Variants in TUT1 observed in about 807,000 individuals in gnomAD.
TUT1 encodes the protein speckle targeted PIP5K1A-regulated poly(A) polymerase.
Under a neutral mutation model 48.8 loss-of-function variants are expected in TUT1, and 26 were observed. The observed-to-expected ratio is 0.53, with a 90% confidence interval of 0.39 to 0.74. TUT1 has a LOEUF of 0.74. Ranked by LOEUF, TUT1 falls within the 30% of genes least tolerant of loss-of-function variation. TUT1 has a pLI of 0.00. For synonymous variants in TUT1, 470 were observed against 460.8 expected (o/e 1.02, Z -0.26); for missense variants, 1,065 against 1,114.8 (o/e 0.96, Z 0.64).
In TUT1 at chr11:62,577,181, C is replaced by T; in HGVS notation, c.1270+1G>A. 3 of 1,608,464 alleles carry T rather than the reference C, an allele frequency of 1.9e-6. No homozygotes were observed. The highest frequency in any genetic ancestry group is 1.3e-5 in the African/African-American group (1 of 74,592). On this transcript the variant is annotated splice_donor_variant, in intron 6 of 8. Transcript: ENST00000476907. LOFTEE classifies it high-confidence loss of function. ...CCAAGTCTGTCCTGATCCATTCTCA[C>T]CTGACAGCCCCCGACCCTGAGCCCA...
intron 1 of TUT1, 114 bp from the exon 2 acceptor site, chr11:62,589,335 T>C: frequency 3.1e-6 from 3 of 956,202 alleles, no homozygotes; most frequent in Non-Finnish European, 4.6e-6. Context: ...ACTGTGACCT[T>C]TGAATAAACA....
intron 2 of TUT1, among the ~76,000 whole-genome samples, chr11:62,586,251 T>G (rs149225475): frequency 2.6e-5 from 4 of 152,262 alleles, no homozygotes; most frequent in African/African-American, 4.8e-5. Flanking sequence ...AAACGATGTC[T>G]GAGGCTCATA....
intron 4 of TUT1, among the ~76,000 whole-genome samples, chr11:62,580,477 A>G (rs566503189): frequency 2.0e-5 from 3 of 151,922 alleles, no homozygotes; most frequent in Admixed American, 6.6e-5. Flanking sequence ...AAAAATACAC[A>G]TAAGCAAAAC....
At chr11:62,584,440 CTTTTTTT>C (rs35237248) in intron 2 of TUT1, among the ~76,000 whole-genome samples, 1 of 130,098 alleles carries the variant, frequency 7.7e-6, no homozygotes, top group African/African-American at 2.8e-5. Context: ...AAATTGTATA[CTTTTTTT>C]TTTTTTTTTT....
chr11:62,587,162 G>C (rs935111376), intron 2 of TUT1, among the ~76,000 whole-genome samples: 14 of 151,628 alleles, frequency 9.2e-5, no homozygotes, highest in Non-Finnish European at 1.6e-4. Flanking sequence ...AAATAGAGGA[G>C]GGGACTCAAA....
At chr11:62,576,356 A>T in intron 8 of TUT1, 112 bp from the exon 9 acceptor site, 2 of 1,316,234 alleles carry the variant, frequency 1.5e-6, no homozygotes, top group Non-Finnish European at 2.0e-6. Context: ...CAAGGGGCTC[A>T]GCAGAGTCCC....
chr11:62,578,559 A>C lies in TUT1; in HGVS notation c.1160+2T>G, dbSNP rs1306978593. 3 of 1,586,052 alleles carry C rather than the reference A, an allele frequency of 1.9e-6. No homozygotes were observed. The highest frequency in any genetic ancestry group is 1.4e-5 in the African/African-American group (1 of 73,870). On this transcript the variant is annotated splice_donor_variant, in intron 5 of 8. Transcript: ENST00000476907. LOFTEE classifies it high-confidence loss of function. Reference sequence around the variant, plus strand: ...ATGTCGTCTCAAAAAAAAGAAAGGTACCGGTTACTGAGGGAGACATCACCG... The same window carrying C: ...ATGTCGTCTCAAAAAAAAGAAAGGTCCCGGTTACTGAGGGAGACATCACCG...
Position 62,575,923 on chromosome 11 carries a change from G to C in TUT1, c.1796C>G (p.Ser599Cys). 6.2e-7 allele frequency: 1 copy of C among 1,614,172 alleles called. No individual in the cohort carries two copies. Among genetic ancestry groups the C allele is most frequent in the Non-Finnish European group, 8.5e-7 (1 of 1,180,020 alleles). ...CGTAGCAGAGAGCAGGGAGCTGGGG[G>C]AGCTGGGCTGCAGAAGAGGGAGCAG... ...WGLLPLLQPS[S>C]PSSLLSATPI... Residue 599 changes from serine to cysteine, a missense_variant, in exon 9 of 9, where the codon TCC (serine) becomes TGC (cysteine). Physicochemically the swap from Ser to Cys is moderately radical, Grantham distance 112. Coordinates refer to ENST00000476907, the MANE Select transcript of TUT1 (RefSeq NM_022830.3).
intron 8 of TUT1, 128 bp downstream of exon 8, chr11:62,576,529 C>G (rs548256646): frequency 1.1e-6 from 1 of 880,826 alleles, no homozygotes; most frequent in South Asian, 1.7e-5. Flanking sequence ...TGTAAAATGG[C>G]AGTAATAATA....
rs1296326428 is a variant in TUT1 at position 62,581,648 on chromosome 11, C to A, written c.327G>T (p.Leu109Phe). Residue 109 changes from leucine (L) to phenylalanine (F), a missense_variant, in exon 3 of 9, where the codon TTG becomes TTT. Coordinates refer to ENST00000476907, the MANE Select transcript of TUT1 (RefSeq NM_022830.3). ...MGDVGAREAV[L>F]SQSQHSLGGH... ...CTCCCAGGCTGTGCTGGGACTGTGA[C>A]AAGACAGCCTCTCGAGCACCCACGT... 5.9e-6 allele frequency: 9 copies of A among 1,521,250 alleles called. No homozygotes were observed. The highest frequency in any genetic ancestry group is 7.9e-6 in the Non-Finnish European group (9 of 1,133,948). 94.2% of individuals were successfully genotyped at this position (1,521,250 alleles called of 1,614,324 possible). A position where few individuals can be genotyped will look rare whatever the true frequency, so the allele number is the denominator to read the frequency against.
intron 2 of TUT1, among the ~76,000 whole-genome samples, chr11:62,583,724 T>C (rs1036601734): frequency 2.0e-5 from 3 of 152,204 alleles, no homozygotes; most frequent in Non-Finnish European, 4.4e-5. Flanking sequence ...AGGTTCCTGC[T>C]AGAGTAAGGT....
In TUT1 at chr11:62,575,755, C is replaced by G. The variant is rs1941712359; in HGVS notation, c.1964G>C (p.Gly655Ala). ...EGGGTGESSQ[G>A]GTSKRLKVDG... is the part of the protein sequence containing the mutation. The stretch of plus-strand genomic sequence containing the variant: ...TACTTTGAGTCTTTTGCTTGTCCCT[C>G]CCTGAGAGGACTCCCCAGTTCCACC... Residue 655 changes from glycine to alanine, a missense_variant, in exon 9 of 9, where the codon GGA becomes GCA. By Grantham distance (60) the Gly-to-Ala change is moderately conservative. Transcript: ENST00000476907. 1 of 1,614,194 alleles carries G rather than the reference C, an allele frequency of 6.2e-7. No individual in the cohort carries two copies. The highest frequency in any genetic ancestry group is 1.3e-5 in the African/African-American group (1 of 75,048).
At chr11:62,583,251 T>C (rs1465417959) in intron 2 of TUT1, among the ~76,000 whole-genome samples, 1 of 151,924 alleles carries the variant, frequency 6.6e-6, no homozygotes, top group East Asian at 1.9e-4. Context: ...AACAACTATA[T>C]TGTTGTAAGT....
At position 62,577,485 on chromosome 11, in the gene TUT1, G is replaced by A. The variant is rs112355692; in HGVS notation, c.1161-194C>T. On this transcript the variant is annotated intron_variant, in intron 5 of 8. Transcript: ENST00000476907. ...GTTCGGGAAACACTTCATCCTGTACGCCCATCCTGGACATTCACAGCACAT... is the reference window on the plus strand; with the variant it reads ...GTTCGGGAAACACTTCATCCTGTACACCCATCCTGGACATTCACAGCACAT... Among the ~76,000 whole-genome samples the A allele has an allele frequency of 2.7e-4, 41 of 151,306 alleles. 1 individual carries two copies. Among genetic ancestry groups the A allele is most frequent in the Non-Finnish European group, 5.3e-4 (36 of 67,882 alleles).
chr11:62,582,592 C>T (rs1480528901), intron 2 of TUT1: 1 of 455,370 alleles, frequency 2.2e-6, no homozygotes, highest in Non-Finnish European at 4.4e-6. Context: ...ACAGCGAGAC[C>T]CTGTCTCAAA....
At chr11:62,588,840 A>G (rs1036544336) in intron 2 of TUT1, among the ~76,000 whole-genome samples, 191 bp downstream of exon 2, 8 of 152,206 alleles carry the variant, frequency 5.3e-5, no homozygotes, top group African/African-American at 1.9e-4. Flanking sequence ...GACTACAGGC[A>G]TGCGCCATCA....
chr11:62,586,727 C>T (rs1941921551), intron 2 of TUT1, among the ~76,000 whole-genome samples: 1 of 151,692 alleles, frequency 6.6e-6, no homozygotes, highest in African/African-American at 2.4e-5. Flanking sequence ...ACCAGCCTGG[C>T]GAACATGGTG....
chr11:62,584,568 G>A (rs1160062122), intron 2 of TUT1, among the ~76,000 whole-genome samples: 7 of 148,020 alleles, frequency 4.7e-5, no homozygotes, highest in Non-Finnish European at 7.4e-5. Flanking sequence ...TCTGCCTCCC[G>A]AGTAGCTAGG....
At chr11:62,585,129 T>TC (rs1227933345) in intron 2 of TUT1, among the ~76,000 whole-genome samples, 1 of 152,098 alleles carries the variant, frequency 6.6e-6, no homozygotes. Context: ...GCCACACCCT[T>TC]CTTTTTTTAA....
Sources: gnomAD v4.1 joint callset for allele counts (sites outside exome capture counted in the v4.1 genomes callset) on GRCh38, gnomAD v4.1.1 for gene constraint, MANE v1.5 for transcripts, NCBI Gene and HGNC (gene_info 2026-07-23, HGNC 2026-07-21) for gene names.